Variants in C8orf34 observed in about 807,000 individuals in gnomAD.
The protein encoded by C8orf34 is uncharacterized protein C8orf34.
Under a neutral mutation model 68.3 loss-of-function variants are expected in C8orf34, and 65 were observed. That is an observed-to-expected ratio of 0.95 (90% CI 0.78 to 1.17). The LOEUF is 1.17. Among genes scored for constraint, C8orf34 ranks in the 50% most tolerant of loss-of-function variants. C8orf34 has a pLI of 0.00. For missense variants in C8orf34, 664 were observed against 655.4 expected (o/e 1.01, Z -0.14); for synonymous variants, 244 against 241.2 (o/e 1.01, Z -0.11).
At chr8:68,707,771 A>G (rs1442438236) in intron 8 of C8orf34, among the ~76,000 whole-genome samples, 1 of 152,030 alleles carries the variant, frequency 6.6e-6, no homozygotes, top group African/African-American at 2.4e-5. Flanking sequence ...AAATATCCCA[A>G]TGTGTTGGAG....
chr8:68,496,698 T>G (rs934083312), intron 5 of C8orf34, among the ~76,000 whole-genome samples: 39 of 152,184 alleles, frequency 2.6e-4, no homozygotes, highest in African/African-American at 8.9e-4. Context: ...GCTATTCACT[T>G]TCTATTTCTG....
intron 12 of C8orf34, among the ~76,000 whole-genome samples, chr8:68,807,844 A>G (rs768526777): frequency 4.6e-5 from 7 of 152,332 alleles, no homozygotes; most frequent in Non-Finnish European, 4.4e-5. Context: ...AAAAGATTTT[A>G]AGTTGGGCTT....
intron 3 of C8orf34, among the ~76,000 whole-genome samples, chr8:68,457,286 G>A (rs955380887): frequency 2.0e-5 from 3 of 152,014 alleles, no homozygotes; most frequent in African/African-American, 4.8e-5. Flanking sequence ...GAAGACAGAA[G>A]TACAATAGCT....
chr8:68,516,888 C>T (rs964052052), intron 5 of C8orf34, among the ~76,000 whole-genome samples: 1 of 152,088 alleles, frequency 6.6e-6, no homozygotes, highest in Non-Finnish European at 1.5e-5. Flanking sequence ...CATCTGCCCA[C>T]TTTGGCCTTC....
At chr8:68,748,896 C>G (rs1353986299) in intron 10 of C8orf34, among the ~76,000 whole-genome samples, 1 of 152,154 alleles carries the variant, frequency 6.6e-6, no homozygotes, top group Non-Finnish European at 1.5e-5. Context: ...GGTATACACC[C>G]AAAGGACTGT....
At chr8:68,682,424 G>C (rs1010104124) in intron 8 of C8orf34, among the ~76,000 whole-genome samples, 1 of 152,090 alleles carries the variant, frequency 6.6e-6, no homozygotes, top group Non-Finnish European at 1.5e-5. Flanking sequence ...CTTCTCCATT[G>C]ATGAGTCTCG....
At chr8:68,456,103 A>G (rs1378608391) in intron 3 of C8orf34, among the ~76,000 whole-genome samples, 1 of 151,124 alleles carries the variant, frequency 6.6e-6, no homozygotes, top group Non-Finnish European at 1.5e-5. Flanking sequence ...AAAAAAAAAA[A>G]AAATTAGCAG....
chr8:68,477,167 T>C (rs924887158), intron 4 of C8orf34, among the ~76,000 whole-genome samples: 7 of 152,192 alleles, frequency 4.6e-5, no homozygotes, highest in African/African-American at 7.2e-5. Flanking sequence ...TGTCATATTA[T>C]TGGTGCATGA....
At chr8:68,355,137 C>T (rs376528178) in intron 1 of C8orf34, among the ~76,000 whole-genome samples, 2 of 152,094 alleles carry the variant, frequency 1.3e-5, no homozygotes, top group African/African-American at 4.8e-5. Flanking sequence ...AATTAGCTTT[C>T]AGCCGTCTTT....
At position 68,445,858 on chromosome 8, in the gene C8orf34, C is replaced by T. The variant is rs575053709; in HGVS notation, c.476-471C>T. 3.0e-4 allele frequency among the ~76,000 whole-genome samples: 46 copies of T among 152,280 alleles called. 1 individual carries two copies. The highest frequency in any genetic ancestry group is 1.1e-3 in the African/African-American group (44 of 41,568). On this transcript the variant is annotated intron_variant, in intron 2 of 13. Transcript: ENST00000518698. ...AGGCTGGAGTGCAGTGGCACAGTCTCGGCTCACTGCAACTTCTGCCTTCCG... is the reference window on the plus strand; with the variant it reads ...AGGCTGGAGTGCAGTGGCACAGTCTTGGCTCACTGCAACTTCTGCCTTCCG...
intron 8 of C8orf34, among the ~76,000 whole-genome samples, chr8:68,682,556 A>G (rs538936048): frequency 1.3e-5 from 2 of 152,272 alleles, no homozygotes; most frequent in African/African-American, 4.8e-5. Flanking sequence ...TCCTGTGTCT[A>G]CAATTACTAA....
chr8:68,456,009 G>T (rs1397898865), intron 3 of C8orf34, among the ~76,000 whole-genome samples: 1 of 151,588 alleles, frequency 6.6e-6, no homozygotes, highest in Non-Finnish European at 1.5e-5. Context: ...ACTTTGGGAG[G>T]TGGAGGCAGG....
intron 4 of C8orf34, among the ~76,000 whole-genome samples, chr8:68,476,491 G>A (rs181517523): frequency 8.3e-4 from 126 of 152,264 alleles, no homozygotes; most frequent in African/African-American, 2.9e-3. Flanking sequence ...CATTGAAAAG[G>A]CCAAAAGGAT....
At chr8:68,717,740 T>C (rs1821518500) in intron 9 of C8orf34, among the ~76,000 whole-genome samples, 1 of 152,166 alleles carries the variant, frequency 6.6e-6, no homozygotes, top group South Asian at 2.1e-4. Flanking sequence ...TGTTGCATTT[T>C]TATAAGTCAA....
At chr8:68,550,921 C>G (rs532026206) in intron 7 of C8orf34, among the ~76,000 whole-genome samples, 40 of 151,344 alleles carry the variant, frequency 2.6e-4, no homozygotes, top group Non-Finnish European at 4.9e-4. Context: ...GCTTCCCCCC[C>G]TCTGGTTTCT....
chr8:68,571,253 A>T (rs1816752072), intron 7 of C8orf34, among the ~76,000 whole-genome samples: 1 of 152,120 alleles, frequency 6.6e-6, no homozygotes, highest in African/African-American at 2.4e-5. Context: ...TACAGTGTCA[A>T]ATTCATTTGC....
intron 1 of C8orf34, among the ~76,000 whole-genome samples, chr8:68,350,204 G>A (rs1052461675): frequency 1.3e-5 from 2 of 150,846 alleles, no homozygotes; most frequent in Non-Finnish European, 3.0e-5. Flanking sequence ...CTAGATTACT[G>A]CCTTAATTTC....
chr8:68,745,009 A>C (rs1310346748), intron 10 of C8orf34, among the ~76,000 whole-genome samples: 2 of 152,206 alleles, frequency 1.3e-5, no homozygotes, highest in Admixed American at 6.5e-5. Context: ...CCTGAAAGGG[A>C]AGCCCATCAG....
At chr8:68,463,095 A>C (rs1811924027) in intron 3 of C8orf34, among the ~76,000 whole-genome samples, 1 of 152,276 alleles carries the variant, frequency 6.6e-6, no homozygotes, top group African/African-American at 2.4e-5. Flanking sequence ...ACAATAAAAA[A>C]TGATAAAGGG....
Sources: gnomAD v4.1 joint callset for allele counts (sites outside exome capture counted in the v4.1 genomes callset) on GRCh38, gnomAD v4.1.1 for gene constraint, MANE v1.5 for transcripts, NCBI Gene and HGNC (gene_info 2026-07-23, HGNC 2026-07-21) for gene names.